Variants in SETD7 observed in about 807,000 individuals in gnomAD.
SETD7 encodes histone-lysine N-methyltransferase SETD7.
A neutral mutation model predicts 41.8 loss-of-function variants in SETD7; 16 were observed. The observed-to-expected ratio is 0.38, with a 90% confidence interval of 0.26 to 0.58. SETD7 has a LOEUF of 0.58. Among genes scored for constraint, SETD7 ranks in the 20% least tolerant of loss-of-function variants. The pLI, the probability that SETD7 is intolerant of heterozygous loss-of-function variation, is 0.64. For missense variants in SETD7, 346 were observed against 459.7 expected (o/e 0.75, Z 2.26); for synonymous variants, 163 against 169.7 (o/e 0.96, Z 0.31).
chr4:139,536,693 C>T (rs1023200406), intron 2 of SETD7, among the ~76,000 whole-genome samples: 2 of 149,972 alleles, frequency 1.3e-5, no homozygotes, highest in East Asian at 2.0e-4. Context: ...GCCTGGGTGA[C>T]AGCGAGACTC....
At chr4:139,515,429 C>T (rs1436964418) in intron 7 of SETD7, among the ~76,000 whole-genome samples, 1 of 152,160 alleles carries the variant, frequency 6.6e-6, no homozygotes, top group African/African-American at 2.4e-5. Context: ...TGCTGTCTTC[C>T]TTTTGGTGAG....
At position 139,511,814 on chromosome 4, in the gene SETD7, T is replaced by C. The variant is rs1404639141; in HGVS notation, c.950A>G (p.Lys317Arg). 8.1e-6 allele frequency: 13 copies of C among 1,613,790 alleles called. No homozygotes were observed. Among genetic ancestry groups the C allele is most frequent in the Non-Finnish European group, 1.0e-5 (12 of 1,179,896 alleles). Residue 317 changes from lysine to arginine, a missense_variant, in exon 8 of 8, where the codon AAA becomes AGA. By Grantham distance (26) the Lys-to-Arg change is conservative. Coordinates refer to ENST00000274031, the MANE Select transcript of SETD7 (RefSeq NM_030648.4). Reference protein sequence around the residue: ...MFVHPRFGPIKCIRTLRAVEA... With the variant: ...MFVHPRFGPIRCIRTLRAVEA... Reference sequence around the variant, plus strand: ...CACTGCTCTCAGGGTGCGGATGCATTTGATGGGCCCAAAACGGGGGTGGAC... The same window carrying C: ...CACTGCTCTCAGGGTGCGGATGCATCTGATGGGCCCAAAACGGGGGTGGAC...
chr4:139,534,505 C>T (rs944397002), intron 2 of SETD7, among the ~76,000 whole-genome samples: 1 of 152,124 alleles, frequency 6.6e-6, no homozygotes, highest in Non-Finnish European at 1.5e-5. Flanking sequence ...CCTCCCACCT[C>T]AGCCTCCCAA....
chr4:139,503,179 GAAAAAAAAAAAAAA>G (rs11388022), downstream of SETD7, among the ~76,000 whole-genome samples: 4 of 73,160 alleles, frequency 5.5e-5, no homozygotes, highest in Admixed American at 3.7e-4. Flanking sequence ...CTCTGTCTCA[GAAAAAAAAAAAAAA>G]AAAAAAAGAA....
chr4:139,547,366 TGCAGG>T (rs1727989771), intron 1 of SETD7, among the ~76,000 whole-genome samples: 1 of 152,246 alleles, frequency 6.6e-6, no homozygotes, highest in Non-Finnish European at 1.5e-5. Flanking sequence ...TAATATTATC[TGCAGG>T]GCATGTCACA....
intron 1 of SETD7, among the ~76,000 whole-genome samples, chr4:139,547,440 A>G (rs1183221881): frequency 6.6e-6 from 1 of 152,234 alleles, no homozygotes; most frequent in Admixed American, 6.5e-5. Context: ...CCAATCTCTC[A>G]TGCTTAACTG....
chr4:139,527,418 C>A (rs764166311), intron 4 of SETD7, among the ~76,000 whole-genome samples: 3 of 151,994 alleles, frequency 2.0e-5, no homozygotes, highest in Admixed American at 1.3e-4. Flanking sequence ...TTTAGCTGGG[C>A]ATTGTGGTGC....
At chr4:139,499,667 C>G (rs985976761) in intron 7 of SETD7, among the ~76,000 whole-genome samples, 12 of 133,170 alleles carry the variant, frequency 9.0e-5, no homozygotes, top group African/African-American at 4.9e-4. Flanking sequence ...ACCAAAGTAC[C>G]CTTAAAAACC....
intron 2 of SETD7, among the ~76,000 whole-genome samples, chr4:139,538,933 TAA>T (rs1428038357): frequency 1.3e-5 from 2 of 152,216 alleles, no homozygotes; most frequent in African/African-American, 4.8e-5. Flanking sequence ...CTCTTGTACT[TAA>T]GAGTTAAATT....
intron 3 of SETD7, 168 bp downstream of exon 3, chr4:139,532,997 C>T (rs546843389): frequency 6.3e-6 from 4 of 631,270 alleles, no homozygotes; most frequent in Middle Eastern, 7.5e-4. Context: ...CAATCTAAGC[C>T]AATAGTGAGT....
chr4:139,514,360 C>A (rs561531552), intron 7 of SETD7, among the ~76,000 whole-genome samples: 1 of 152,086 alleles, frequency 6.6e-6, no homozygotes, highest in African/African-American at 2.4e-5. Flanking sequence ...ACCTCTGGTA[C>A]ACTGAAAAAA....
chr4:139,532,487 T>C (rs1727511369), intron 3 of SETD7: 1 of 152,346 alleles, frequency 6.6e-6, no homozygotes, highest in Non-Finnish European at 1.5e-5. Flanking sequence ...TTCTAAGGTG[T>C]ATTTTCTGTA....
chr4:139,526,028 T>TTTG (rs1462301473), intron 4 of SETD7, among the ~76,000 whole-genome samples: 1 of 143,056 alleles, frequency 7.0e-6, no homozygotes, highest in South Asian at 2.4e-4. Flanking sequence ...CCAGAAGGTT[T>TTTG]TTGTTGTTGT....
intron 1 of SETD7, among the ~76,000 whole-genome samples, chr4:139,552,160 G>C (rs559658718): frequency 6.6e-6 from 1 of 152,136 alleles, no homozygotes; most frequent in Admixed American, 6.5e-5. Flanking sequence ...ACACAGAAAG[G>C]GTGCTACAAA....
At chr4:139,528,538 G>A (rs1344214334) in intron 4 of SETD7, among the ~76,000 whole-genome samples, 1 of 152,188 alleles carries the variant, frequency 6.6e-6, no homozygotes, top group Non-Finnish European at 1.5e-5. Context: ...CCACTAATGT[G>A]TATGGTGTAA....
At chr4:139,534,420 C>T (rs971829252) in intron 2 of SETD7, among the ~76,000 whole-genome samples, 3 of 151,904 alleles carry the variant, frequency 2.0e-5, no homozygotes, top group African/African-American at 4.8e-5. Flanking sequence ...GAGGATCTTG[C>T]TCTATTGCCC....
At chr4:139,543,435 C>T (rs1727834526) in intron 2 of SETD7, among the ~76,000 whole-genome samples, 3 of 152,124 alleles carry the variant, frequency 2.0e-5, no homozygotes, top group Non-Finnish European at 4.4e-5. Flanking sequence ...GTAACATGAT[C>T]AGTATTTGGG....
chr4:139,546,435 C>T lies in SETD7; in HGVS notation c.170+485G>A, dbSNP rs138571302. Reference sequence around the variant, plus strand: ...CCAACAAGGTGGCAGAATCTTGCTTCGGGGTACTAAGATGCCAGATTGTGA... The same window carrying T: ...CCAACAAGGTGGCAGAATCTTGCTTTGGGGTACTAAGATGCCAGATTGTGA... On this transcript the variant is annotated intron_variant, in intron 2 of 7. Coordinates refer to ENST00000274031, the MANE Select transcript of SETD7 (RefSeq NM_030648.4). 622 of 206,180 alleles carry T rather than the reference C, an allele frequency of 3.0e-3. 3 individuals are homozygous for T. The highest frequency in any genetic ancestry group is 0.027 in the Middle Eastern group (14 of 522). The allele number at this position is 206,180 out of a possible 1,614,324, so 12.8% of individuals were successfully genotyped here.
In SETD7 at chr4:139,546,947, C is replaced by G; in HGVS notation, c.143G>C (p.Arg48Pro). 1 of 1,614,164 alleles carries G rather than the reference C, an allele frequency of 6.2e-7. No individual in the cohort carries two copies. The highest frequency in any genetic ancestry group is 1.1e-5 in the South Asian group (1 of 91,088). ...GCCATCAAAGAAGAAGAACTTCCCCCGTCCGTTCTTTTCTCCGTGAACAAA... is the reference window on the plus strand; with the variant it reads ...GCCATCAAAGAAGAAGAACTTCCCCGGTCCGTTCTTTTCTCCGTGAACAAA... ...GNFVHGEKNGRGKFFFFDGST... is the reference protein window; with the variant it reads ...GNFVHGEKNGPGKFFFFDGST... The change falls in exon 2 of 8, where the codon CGG becomes CCG. Residue 48 changes from arginine (R) to proline (P), a missense_variant. This residue lies in a region of SETD7 where 266 missense variants were observed against 377.0 expected (regional missense o/e 0.71). Transcript: ENST00000274031.
Sources: allele counts gnomAD v4.1 joint callset (sites outside exome capture counted in the v4.1 genomes callset), GRCh38; gene constraint gnomAD v4.1.1; regional missense constraint gnomAD v4.1.1; transcripts MANE v1.5; gene names NCBI Gene and HGNC (gene_info 2026-07-23, HGNC 2026-07-21).